The following MTUS1 variants were observed in gnomAD, a reference collection of about 807,000 sequenced individuals.
The protein encoded by MTUS1 is microtubule associated scaffold protein 1.
Under a neutral mutation model 120.8 loss-of-function variants are expected in MTUS1, and 109 were observed. The observed-to-expected ratio is 0.90, with a 90% confidence interval of 0.77 to 1.06. MTUS1 has a LOEUF of 1.06. Among genes scored for constraint, MTUS1 ranks in the 50% least tolerant of loss-of-function variants. The pLI, the probability that MTUS1 is intolerant of heterozygous loss-of-function variation, is 0.00. For synonymous variants in MTUS1, 737 were observed against 550.5 expected (o/e 1.34, Z -4.74); for missense variants, 2,210 against 1,486.3 (o/e 1.49, Z -8.01).
chr8:17,798,441 T>C (rs1372819403), intron 1 of MTUS1, among the ~76,000 whole-genome samples: 1 of 152,062 alleles, frequency 6.6e-6, no homozygotes, highest in African/African-American at 2.4e-5. Context: ...CAAGCGCTTC[T>C]CCTGCCTCAG....
intron 1 of MTUS1, chr8:17,780,958 ACTT>A (rs1326398256): frequency 2.0e-5 from 3 of 152,308 alleles, no homozygotes; most frequent in South Asian, 2.1e-4. Context: ...CACAGCTTAC[ACTT>A]CATAGTCAAT....
rs562123725 is a variant in MTUS1 at position 17,650,170 on chromosome 8, T to G, written c.3385-208A>C. ...ACTGAAAGCAAACATTTCACTTATTTATCAGTAACTTAATATGCAAAAATG... is the reference window on the plus strand; with the variant it reads ...ACTGAAAGCAAACATTTCACTTATTGATCAGTAACTTAATATGCAAAAATG... On this transcript the variant is annotated intron_variant, in intron 12 of 14. Coordinates refer to ENST00000693296, the MANE Select transcript of MTUS1 (RefSeq NM_001363059.2). Among the ~76,000 whole-genome samples, 11 of 152,300 alleles carry G rather than the reference T, an allele frequency of 7.2e-5. No homozygotes were observed. The South Asian group carries it at 2.3e-3, about 32-fold the overall frequency.
intron 1 of MTUS1, among the ~76,000 whole-genome samples, chr8:17,758,975 G>A (rs999971249): frequency 5.3e-5 from 8 of 152,248 alleles, no homozygotes; most frequent in South Asian, 2.1e-4. Flanking sequence ...TCCGCCTCCC[G>A]GGTTCAAGCG....
chr8:17,778,989 T>C (rs1035673590), intron 1 of MTUS1, among the ~76,000 whole-genome samples: 2 of 151,796 alleles, frequency 1.3e-5, no homozygotes, highest in Admixed American at 6.6e-5. Context: ...GTGAACAAAA[T>C]AGACAAAAAA....
chr8:17,667,877 A>G (rs1340931786), intron 8 of MTUS1, among the ~76,000 whole-genome samples: 1 of 152,212 alleles, frequency 6.6e-6, no homozygotes, highest in African/African-American at 2.4e-5. Flanking sequence ...TTTGTTAGGG[A>G]TGAGTAGGCA....
At chr8:17,743,149 A>C (rs560082958) in intron 3 of MTUS1, among the ~76,000 whole-genome samples, 2 of 152,312 alleles carry the variant, frequency 1.3e-5, no homozygotes, top group East Asian at 1.9e-4. Flanking sequence ...TCACATTAGA[A>C]AAATTTAACT....
At chr8:17,748,041 CAT>C (rs938988507) in intron 2 of MTUS1, 5 of 152,212 alleles carry the variant, frequency 3.3e-5, no homozygotes, top group African/African-American at 1.2e-4. Flanking sequence ...CTTCCCACAA[CAT>C]GTGGGAACTC....
chr8:17,703,653 A>T (rs1366729772), intron 6 of MTUS1, among the ~76,000 whole-genome samples: 2 of 148,788 alleles, frequency 1.3e-5, no homozygotes, highest in African/African-American at 4.9e-5. Context: ...AAGGACTGAG[A>T]GAGATACGCC....
chr8:17,715,954 C>A (rs1822246887), intron 4 of MTUS1, 53 bp from the exon 5 acceptor site: 11 of 1,538,950 alleles, frequency 7.1e-6, no homozygotes, highest in Admixed American at 1.9e-5. Flanking sequence ...ACAGTTTCGA[C>A]CTTCCACATT....
intron 4 of MTUS1, chr8:17,721,570 A>G (rs939007268): frequency 9.9e-7 from 1 of 1,010,198 alleles, no homozygotes; most frequent in African/African-American, 1.6e-5. Context: ...CATCTTAAAT[A>G]TACATACAAA....
intron 1 of MTUS1, among the ~76,000 whole-genome samples, chr8:17,792,606 G>A (rs1294945170): frequency 1.3e-5 from 2 of 152,250 alleles, no homozygotes; most frequent in Non-Finnish European, 2.9e-5. Flanking sequence ...GCTTACGCCT[G>A]TAATCCCAGC....
At chr8:17,709,136 C>CA (rs11462531) in intron 6 of MTUS1, among the ~76,000 whole-genome samples, 66,229 of 137,344 alleles carry the variant, frequency 0.48, 15,676 homozygotes, top group African/African-American at 0.63. Flanking sequence ...GACTCTGCCT[C>CA]AAAAAAAAAA....
intron 8 of MTUS1, among the ~76,000 whole-genome samples, chr8:17,656,561 C>T (rs1310840382): frequency 1.5e-5 from 2 of 130,880 alleles, no homozygotes; most frequent in African/African-American, 2.7e-5. Flanking sequence ...CCCCACCCCA[C>T]ATTCAAAAAA....
intron 8 of MTUS1, among the ~76,000 whole-genome samples, chr8:17,660,058 T>A (rs541166282): frequency 1.3e-5 from 2 of 152,236 alleles, no homozygotes; most frequent in African/African-American, 4.8e-5. Flanking sequence ...CACAATTTCC[T>A]TCCTTTTGAA....
Position 17,754,584 on chromosome 8 carries a change from T to G in MTUS1, c.1224A>C (p.Ser408=). 2 of 1,614,220 alleles carry G rather than the reference T, an allele frequency of 1.2e-6. No individual in the cohort carries two copies. Among genetic ancestry groups the G allele is most frequent in the Non-Finnish European group, 1.7e-6 (2 of 1,180,034 alleles). ...SSPPGQKVGS[S]FGLTWDANDM... ...CATTTGCATCCCAAGTCAGTCCAAA[T>G]GACGAGCCCACCTTTTGTCCTGGCG... The change falls in exon 2 of 15, where the codon TCA becomes TCC. Residue 408 remains serine, a synonymous_variant. Coordinates refer to ENST00000693296, the MANE Select transcript of MTUS1 (RefSeq NM_001363059.2).
chr8:17,662,912 G>A (rs1244759629), intron 8 of MTUS1, among the ~76,000 whole-genome samples: 2 of 151,408 alleles, frequency 1.3e-5, no homozygotes, highest in Admixed American at 1.3e-4. Flanking sequence ...AGAAGGAAAG[G>A]AAGGCAAACT....
At chr8:17,778,909 ACATT>A (rs1428275645) in intron 1 of MTUS1, among the ~76,000 whole-genome samples, 22 of 152,236 alleles carry the variant, frequency 1.4e-4, no homozygotes, top group African/African-American at 5.3e-4. Context: ...ATATTGGATG[ACATT>A]CATCATTCAT....
intron 3 of MTUS1, among the ~76,000 whole-genome samples, chr8:17,731,170 A>C (rs1458580432): frequency 6.6e-6 from 1 of 152,208 alleles, no homozygotes; most frequent in African/African-American, 2.4e-5. Flanking sequence ...CAGCAAAAAC[A>C]TACTTATTTG....
Position 17,751,735 on chromosome 8 carries a change from G to A in MTUS1, c.2091+1982C>T, listed in dbSNP as rs896057648. Among the ~76,000 whole-genome samples, 9 of 151,820 alleles carry A rather than the reference G, an allele frequency of 5.9e-5. No homozygotes were observed. The East Asian group carries it at 1.4e-3, about 23-fold the overall frequency. On this transcript the variant is annotated intron_variant, in intron 2 of 14. Coordinates refer to ENST00000693296, the MANE Select transcript of MTUS1 (RefSeq NM_001363059.2). ...TAGCTGGATGTGGTGGTGCACGCCT[G>A]TAGTCCCAGCTACCTGGGAGGCTGA...
Sources: gnomAD v4.1 joint callset for allele counts (sites outside exome capture counted in the v4.1 genomes callset) on GRCh38, gnomAD v4.1.1 for gene constraint, MANE v1.5 for transcripts, NCBI Gene and HGNC (gene_info 2026-07-23, HGNC 2026-07-21) for gene names.